Variants in AARSD1 observed in about 807,000 individuals in gnomAD.
AARSD1 encodes alanyl-tRNA synthetase domain containing 1.
In AARSD1, 44 loss-of-function variants were observed where a neutral mutation model predicts 48.7. The ratio of observed to expected loss-of-function variants is 0.90; its 90% confidence interval spans 0.71 to 1.16. The LOEUF is 1.16. Among genes scored for constraint, AARSD1 ranks in the 50% most tolerant of loss-of-function variants. The pLI is 0.00. For missense variants in AARSD1, 511 were observed against 523.1 expected (o/e 0.98, Z 0.23); for synonymous variants, 189 against 194.9 (o/e 0.97, Z 0.25).
intron 3 of AARSD1, among the ~76,000 whole-genome samples, chr17:42,959,435 C>T (rs1427900359): frequency 6.6e-6 from 1 of 151,480 alleles, no homozygotes; most frequent in Non-Finnish European, 1.5e-5. Flanking sequence ...AGGCTGGTCT[C>T]GAACTCCTGG....
rs761574327 is a variant in AARSD1, at chr17:42,956,247, T to C, written c.620A>G (p.Asn207Ser). 6.2e-5 allele frequency: 100 copies of C among 1,614,074 alleles called. 1 individual carries two copies. The South Asian group carries it at 9.1e-4, about 15-fold the overall frequency. The change falls in exon 6 of 12, where the codon AAC (asparagine) becomes AGC (serine). Residue 207 changes from asparagine (N) to serine (S), a missense_variant. Coordinates refer to ENST00000427569, the MANE Select transcript of AARSD1 (RefSeq NM_001261434.2). ...RVVNIEGVDS[N>S]MCCGTHVSNL... is the part of the protein sequence containing the mutation. ...GCTCACATGGGTCCCACAGCACATG[T>C]TGGAATCAACGCCCTCGATGTTAAC...
In AARSD1 at chr17:42,950,647, C is replaced by T; in HGVS notation, c.1185G>A (p.Met395Ile). The change falls in exon 12 of 12, where the codon ATG (methionine) becomes ATA (isoleucine). Residue 395 changes from methionine (M) to isoleucine (I), a missense_variant. Met to Ile is a conservative substitution (Grantham distance 10). Coordinates refer to ENST00000427569, the MANE Select transcript of AARSD1 (RefSeq NM_001261434.2). The stretch of plus-strand genomic sequence containing the variant: ...AGTCCTGGAGAAGCGCCTGCGCCTC[C>T]ATCCGCCGGCTCATCTTGGTGGCCT... ...QGKATKMSRR[M>I]EAQALLQDYI... The T allele has an allele frequency of 6.2e-7, 1 of 1,614,052 alleles. No homozygotes were observed. The highest frequency in any genetic ancestry group is 8.5e-7 in the Non-Finnish European group (1 of 1,179,980).
intron 2 of AARSD1, among the ~76,000 whole-genome samples, chr17:42,962,824 A>G (rs925579533): frequency 6.6e-6 from 1 of 152,186 alleles, no homozygotes; most frequent in Non-Finnish European, 1.5e-5. Context: ...TGAGGCCAGG[A>G]GCTCAAGATC....
chr17:42,955,839 T>A lies in AARSD1; in HGVS notation c.794+3A>T. ...GTAATCGAAGGTACTGAAACAGGCA[T>A]ACTTAAGCAGAGCAGTCAGTGCTTT... On this transcript the variant is annotated splice_donor_region_variant and intron_variant, in intron 7 of 11. Coordinates refer to ENST00000427569, the MANE Select transcript of AARSD1 (RefSeq NM_001261434.2). 1.2e-6 allele frequency: 2 copies of A among 1,614,118 alleles called. No individual in the cohort carries two copies. The highest frequency in any genetic ancestry group is 1.7e-6 in the Non-Finnish European group (2 of 1,180,026).
chr17:42,963,158 T>C (rs1024729928), intron 2 of AARSD1, among the ~76,000 whole-genome samples: 2 of 151,330 alleles, frequency 1.3e-5, no homozygotes, highest in Admixed American at 6.6e-5. Flanking sequence ...CTTGGCTCAC[T>C]GCAACTTCAG....
At chr17:42,959,664 CTT>C (rs1597716930) in intron 3 of AARSD1, among the ~76,000 whole-genome samples, 1 of 150,312 alleles carries the variant, frequency 6.7e-6, no homozygotes, top group African/African-American at 2.4e-5. Flanking sequence ...AGCCATTTCT[CTT>C]TTCTTTTTTT....
Position 42,950,620 on chromosome 17 carries a change from G to A in AARSD1, c.1212C>T (p.Tyr404=). The A allele has an allele frequency of 3.1e-6, 5 of 1,614,022 alleles. No individual in the cohort carries two copies. Among genetic ancestry groups the A allele is most frequent in the South Asian group, 2.2e-5 (2 of 91,054 alleles). Residue 404 remains tyrosine (Y), a synonymous_variant, in exon 12 of 12, where the codon TAC becomes TAT. Coordinates refer to ENST00000427569, the MANE Select transcript of AARSD1 (RefSeq NM_001261434.2). ...RMEAQALLQD[Y]ISTQSAKE ...ACTCCTTAGCACTCTGCGTGCTGATGTAGTCCTGGAGAAGCGCCTGCGCCT... is the reference window on the plus strand; with the variant it reads ...ACTCCTTAGCACTCTGCGTGCTGATATAGTCCTGGAGAAGCGCCTGCGCCT...
At position 42,950,602 on chromosome 17, in the gene AARSD1, A is replaced by C. The variant is rs1335057775; in HGVS notation, c.1230T>G (p.Ala410=). 6.2e-7 allele frequency: 1 copy of C among 1,613,616 alleles called. No individual in the cohort carries two copies. Among genetic ancestry groups the C allele is most frequent in the Non-Finnish European group, 8.5e-7 (1 of 1,179,894 alleles). Residue 410 remains alanine (A), a synonymous_variant, in exon 12 of 12, where the codon GCT becomes GCG. Coordinates refer to ENST00000427569, the MANE Select transcript of AARSD1 (RefSeq NM_001261434.2). ...LLQDYISTQS[A]KE Reference sequence around the variant, plus strand: ...TGAGTGCCCTAAGCCCTCACTCCTTAGCACTCTGCGTGCTGATGTAGTCCT... The same window carrying C: ...TGAGTGCCCTAAGCCCTCACTCCTTCGCACTCTGCGTGCTGATGTAGTCCT...
intron 10 of AARSD1, among the ~76,000 whole-genome samples, chr17:42,953,304 TG>T (rs2049504481): frequency 6.6e-6 from 1 of 152,110 alleles, no homozygotes; most frequent in African/African-American, 2.4e-5. Context: ...TTAGTAGAGA[TG>T]GGGTTTCACC....
At chr17:42,955,791 GTCGAAAA>G in intron 7 of AARSD1, 44 bp downstream of exon 7, 2 of 1,610,924 alleles carry the variant, frequency 1.2e-6, no homozygotes, top group Non-Finnish European at 1.7e-6. Context: ...AAGAGATTAT[GTCGAAAA>G]TCTCAGAAAT....
intron 10 of AARSD1, chr17:42,952,170 G>A (rs2049488524): frequency 2.3e-6 from 1 of 429,030 alleles, no homozygotes; most frequent in Non-Finnish European, 4.3e-6. Context: ...TTTCACTCTT[G>A]CAAACTTTTC....
intron 3 of AARSD1, chr17:42,957,636 A>C (rs2049577807): frequency 6.5e-6 from 1 of 153,836 alleles, no homozygotes; most frequent in Non-Finnish European, 1.4e-5. Flanking sequence ...GTGCCCGGCT[A>C]ATTTTTCTAC....
At chr17:42,951,329 A>G (rs2049476160) in intron 11 of AARSD1, among the ~76,000 whole-genome samples, 1 of 152,170 alleles carries the variant, frequency 6.6e-6, no homozygotes, top group Non-Finnish European at 1.5e-5. Context: ...AGGCAGGTGG[A>G]TCACTTGAGG....
intron 3 of AARSD1, among the ~76,000 whole-genome samples, chr17:42,959,355 AC>A (rs1327184245): frequency 6.6e-6 from 1 of 150,866 alleles, no homozygotes; most frequent in Non-Finnish European, 1.5e-5. Flanking sequence ...GGCTGGGACT[AC>A]AGGCATGCAC....
intron 8 of AARSD1, 28 bp downstream of exon 8, chr17:42,955,130 C>T (rs2049529780): frequency 2.5e-6 from 4 of 1,613,954 alleles, no homozygotes; most frequent in Non-Finnish European, 3.4e-6. Context: ...GGGCCCATGC[C>T]CTCTCTACCC....
intron 9 of AARSD1, chr17:42,953,999 T>G: frequency 3.4e-6 from 2 of 580,812 alleles, no homozygotes; most frequent in Non-Finnish European, 6.1e-6. Flanking sequence ...CTCCCTTAAA[T>G]AGGATTCACC....
At chr17:42,955,311 A>G (rs1388505961) in intron 7 of AARSD1, 87 bp from the exon 8 acceptor site, 21 of 1,528,314 alleles carry the variant, frequency 1.4e-5, no homozygotes, top group South Asian at 2.3e-5. Flanking sequence ...CCTTCTTGCT[A>G]TGGTGCCTCC....
intron 2 of AARSD1, among the ~76,000 whole-genome samples, chr17:42,962,867 C>T (rs1404005728): frequency 6.6e-6 from 1 of 152,040 alleles, no homozygotes; most frequent in Non-Finnish European, 1.5e-5. Flanking sequence ...CTCATCTCTA[C>T]AAAAAAGCAG....
At chr17:42,951,999 A>C in intron 10 of AARSD1, 105 bp from the exon 11 acceptor site, 4 of 1,282,206 alleles carry the variant, frequency 3.1e-6, no homozygotes, top group South Asian at 1.3e-5. Context: ...TTTCCCCCTA[A>C]ACCACCAAGT....
Sources: gnomAD v4.1 joint callset for allele counts (sites outside exome capture counted in the v4.1 genomes callset) on GRCh38, gnomAD v4.1.1 for gene constraint, MANE v1.5 for transcripts, NCBI Gene and HGNC (gene_info 2026-07-23, HGNC 2026-07-21) for gene names.